ANKFN1: variants seen among roughly 807,000 people sequenced by gnomAD.
ANKFN1 encodes ankyrin repeat and fibronectin type-III domain-containing protein 1.
A neutral mutation model predicts 108.7 loss-of-function variants in ANKFN1; 74 were observed. That is an observed-to-expected ratio of 0.68 (90% CI 0.56 to 0.83). The LOEUF (loss-of-function observed/expected upper bound fraction) is 0.83, where lower values mean the gene tolerates loss of function less well. ANKFN1 is among the 40% of genes least tolerant of loss of function. The probability of loss-of-function intolerance (pLI) is 0.00; values close to 1 mark genes in which losing one functional copy is unlikely to be tolerated. For synonymous variants in ANKFN1, 547 were observed against 516.2 expected, an observed-to-expected ratio of 1.06 and a Z score of -0.81; for missense variants, 1,505 against 1,382.3, an observed-to-expected ratio of 1.09 and a Z score of -1.41.
chr17:56,147,491 C>T (rs754736256), intron 4 of ANKFN1, among the ~76,000 whole-genome samples: 2 of 152,188 alleles, frequency 1.3e-5, no homozygotes, highest in Admixed American at 6.5e-5. Context: ...AAAGGAGAAG[C>T]AGGCACCTTC....
intron 4 of ANKFN1, among the ~76,000 whole-genome samples, chr17:56,133,860 A>G (rs7216878): frequency 0.19 from 28,973 of 151,718 alleles, 3,283 homozygotes; most frequent in African/African-American, 0.3. Flanking sequence ...ATTTTATCAT[A>G]CAACAAGCAG....
chr17:56,330,542 A>G (rs938782143), intron 4 of ANKFN1, among the ~76,000 whole-genome samples: 1 of 152,156 alleles, frequency 6.6e-6, no homozygotes, highest in Non-Finnish European at 1.5e-5. Context: ...TTTCATAGCT[A>G]TGCATTTGCA....
chr17:56,326,251 G>C lies in ANKFN1; in HGVS notation c.84G>C (p.Gln28His). The C allele has an allele frequency of 1.2e-6, 2 of 1,613,760 alleles. No homozygotes were observed. The highest frequency in any genetic ancestry group is 1.7e-6 in the Non-Finnish European group (2 of 1,179,810). Reference sequence around the variant, plus strand: ...GAAGGAGATTCGCTTGCTTTGCACAGAGGCTGAGCCACAGGAGAAAGCAAA... The same window carrying C: ...GAAGGAGATTCGCTTGCTTTGCACACAGGCTGAGCCACAGGAGAAAGCAAA... The part of the protein sequence containing the change: ...IIGRRFACFA[Q>H]RLSHRRKQSQ... The change falls in exon 4 of 21, where the codon CAG (glutamine) becomes CAC (histidine). Residue 28 changes from glutamine to histidine, a missense_variant. Physicochemically the swap from Gln to His is conservative, Grantham distance 24. Transcript: ENST00000682825.
chr17:56,440,283 A>G (rs1489693379), intron 8 of ANKFN1, 44 bp from the exon 9 acceptor site: 1 of 1,285,322 alleles, frequency 7.8e-7, no homozygotes, highest in Admixed American at 1.8e-5. Context: ...ACTGAATTTT[A>G]TTCTCCCTCT....
At chr17:56,068,126 C>G (rs1163951647) in intron 4 of ANKFN1, among the ~76,000 whole-genome samples, 1 of 152,062 alleles carries the variant, frequency 6.6e-6, no homozygotes, top group Non-Finnish European at 1.5e-5. Flanking sequence ...CCTGGGAGAC[C>G]CCATCCCACC....
At chr17:56,241,591 G>A (rs549355435) in intron 3 of ANKFN1, among the ~76,000 whole-genome samples, 2 of 152,196 alleles carry the variant, frequency 1.3e-5, no homozygotes, top group East Asian at 1.9e-4. Flanking sequence ...TCCATGAGGA[G>A]TAAGTTGCAA....
At chr17:56,161,449 A>G (rs1412712510) in intron 1 of ANKFN1, among the ~76,000 whole-genome samples, 1 of 152,218 alleles carries the variant, frequency 6.6e-6, no homozygotes, top group Non-Finnish European at 1.5e-5. Context: ...TAGGTACTCA[A>G]TAAATACTTC....
rs535105190 is a variant in ANKFN1 at position 56,396,033 on chromosome 17, A to G, written c.910+21319A>G. Among the ~76,000 whole-genome samples, 3 of 151,888 alleles carry G rather than the reference A, an allele frequency of 2.0e-5. No individual in the cohort carries two copies. In the East Asian group the frequency reaches 5.8e-4, roughly 29 times the overall value. On this transcript the variant is annotated intron_variant, in intron 8 of 20. Transcript: ENST00000682825. ...CTCTCTCCTGGAACAAAATGAAAAC[A>G]AAACAAAACAAAACAAAAAAAACAA... is the stretch of plus-strand genomic sequence containing the variant.
chr17:56,279,079 C>T (rs561228921), intron 3 of ANKFN1, among the ~76,000 whole-genome samples: 3 of 152,304 alleles, frequency 2.0e-5, no homozygotes, highest in Admixed American at 1.3e-4. Context: ...TGACACCCCT[C>T]TCTGTGCCAT....
intron 4 of ANKFN1, among the ~76,000 whole-genome samples, chr17:56,349,849 G>C (rs890913017): frequency 6.6e-6 from 1 of 152,180 alleles, no homozygotes; most frequent in African/African-American, 2.4e-5. Context: ...GCTGGGCCCA[G>C]TGCATCAGAG....
At chr17:56,457,666 G>A (rs73991537) in intron 13 of ANKFN1, among the ~76,000 whole-genome samples, 197 bp from the exon 14 acceptor site, 4,559 of 152,240 alleles carry the variant, frequency 0.03, 204 homozygotes, top group African/African-American at 0.1. Flanking sequence ...ACTAAAATGT[G>A]GATCTGACCG....
rs962667841 is a variant in ANKFN1, at chr17:56,412,760, C to A, written c.911-27567C>A. Reference sequence around the variant, plus strand: ...TTTGAGGTTTTAGAACTTGGACCAGCTTTATTGCACCTCAGCTTACAGATG... The same window carrying A: ...TTTGAGGTTTTAGAACTTGGACCAGATTTATTGCACCTCAGCTTACAGATG... On this transcript the variant is annotated intron_variant, in intron 8 of 20. Coordinates refer to ENST00000682825, the MANE Select transcript of ANKFN1 (RefSeq NM_001370326.1). Among the ~76,000 whole-genome samples, 3 of 152,186 alleles carry A rather than the reference C, an allele frequency of 2.0e-5. No homozygotes were observed. In the East Asian group the frequency reaches 5.8e-4, roughly 29 times the overall value.
intron 3 of ANKFN1, among the ~76,000 whole-genome samples, chr17:56,233,740 A>G (rs1365105934): frequency 6.6e-6 from 1 of 151,824 alleles, no homozygotes; most frequent in East Asian, 1.9e-4. Flanking sequence ...ATTATATATT[A>G]TATACCTAAT....
intron 1 of ANKFN1, among the ~76,000 whole-genome samples, chr17:56,175,788 A>G (rs754167261): frequency 2.6e-5 from 4 of 152,208 alleles, no homozygotes; most frequent in Non-Finnish European, 4.4e-5. Context: ...GGAGCAGGAC[A>G]AACCAGCCTT....
intron 6 of ANKFN1, among the ~76,000 whole-genome samples, chr17:56,369,830 T>C (rs2046761678): frequency 6.6e-6 from 1 of 152,218 alleles, no homozygotes; most frequent in African/African-American, 2.4e-5. Flanking sequence ...CTCTGACTTG[T>C]CCATGCAATT....
intron 1 of ANKFN1, among the ~76,000 whole-genome samples, 167 bp from the exon 2 acceptor site, chr17:56,212,431 T>C (rs1276480933): frequency 6.6e-6 from 1 of 152,082 alleles, no homozygotes; most frequent in Non-Finnish European, 1.5e-5. Flanking sequence ...TGCTGTGGGG[T>C]TCTGTTAGCT....
At chr17:56,485,121 C>G (rs1285775572) in intron 18 of ANKFN1, among the ~76,000 whole-genome samples, 1 of 152,160 alleles carries the variant, frequency 6.6e-6, no homozygotes, top group African/African-American at 2.4e-5. Flanking sequence ...GAGTAACCTA[C>G]TATGTGCCAG....
chr17:56,489,394 C>G (rs535437856), intron 18 of ANKFN1, among the ~76,000 whole-genome samples: 38 of 149,688 alleles, frequency 2.5e-4, no homozygotes, highest in African/African-American at 9.1e-4. Flanking sequence ...ATTGCTAAAC[C>G]ACAAAAGACT....
At chr17:56,392,053 A>G (rs1258137449) in intron 8 of ANKFN1, among the ~76,000 whole-genome samples, 1 of 152,216 alleles carries the variant, frequency 6.6e-6, no homozygotes, top group Non-Finnish European at 1.5e-5. Context: ...ATAATAATAC[A>G]TACTAAGTGG....
Sources: gnomAD v4.1 joint callset for allele counts (sites outside exome capture counted in the v4.1 genomes callset) on GRCh38, gnomAD v4.1.1 for gene constraint, MANE v1.5 for transcripts, NCBI Gene and HGNC (gene_info 2026-07-23, HGNC 2026-07-21) for gene names.